The following SYT1 variants were observed in gnomAD, a reference collection of about 807,000 sequenced individuals.
The protein encoded by SYT1 is synaptotagmin-1.
In SYT1, 8 loss-of-function variants were observed where a neutral mutation model predicts 44.8. The ratio of observed to expected loss-of-function variants is 0.18; its 90% CI spans 0.10 to 0.32. The LOEUF (loss-of-function observed/expected upper bound fraction) is 0.32, where lower values mean the gene tolerates loss of function less well. Among genes scored for constraint, SYT1 ranks in the 10% least tolerant of loss-of-function variants. SYT1 has a pLI of 1.00. For synonymous variants in SYT1, 154 were observed against 188.8 expected, an observed-to-expected ratio of 0.82 and a Z score of 1.51; for missense variants, 286 against 509.3, an observed-to-expected ratio of 0.56 and a Z score of 4.22.
chr12:79,138,643 T>TTG (rs544735626), intron 3 of SYT1, among the ~76,000 whole-genome samples: 2,762 of 152,240 alleles, frequency 0.018, 87 homozygotes, highest in African/African-American at 0.064. Flanking sequence ...TACATATTAT[T>TTG]TGTGTGTGTG....
intron 8 of SYT1, among the ~76,000 whole-genome samples, chr12:79,307,607 G>C (rs1880461742): frequency 6.7e-6 from 1 of 149,864 alleles, no homozygotes; most frequent in Non-Finnish European, 1.5e-5. Context: ...GGGGATGGTC[G>C]GAAGGGCTGG....
At chr12:79,211,544 C>G (rs983740319) in intron 3 of SYT1, among the ~76,000 whole-genome samples, 2 of 151,484 alleles carry the variant, frequency 1.3e-5, no homozygotes, top group African/African-American at 4.9e-5. Context: ...CACCCACTAA[C>G]TCATCATCTA....
chr12:79,284,954 G>GAAGAT (rs1362788867), intron 4 of SYT1, among the ~76,000 whole-genome samples: 1 of 152,040 alleles, frequency 6.6e-6, no homozygotes, highest in Non-Finnish European at 1.5e-5. Flanking sequence ...GATGAAATGG[G>GAAGAT]TACCACTGTA....
intron 2 of SYT1, among the ~76,000 whole-genome samples, chr12:79,030,507 A>C (rs891000445): frequency 1.3e-5 from 2 of 151,056 alleles, no homozygotes; most frequent in African/African-American, 4.8e-5. Flanking sequence ...TTACTATTCC[A>C]TTGAGCTCTA....
chr12:79,359,041 TC>T (rs1365852012), intron 9 of SYT1, among the ~76,000 whole-genome samples: 1 of 152,170 alleles, frequency 6.6e-6, no homozygotes, highest in East Asian at 1.9e-4. Flanking sequence ...ATGTTCTACT[TC>T]CCTCATTCCC....
intron 1 of SYT1, among the ~76,000 whole-genome samples, chr12:78,880,034 A>C (rs1488919583): frequency 1.3e-5 from 2 of 151,694 alleles, no homozygotes; most frequent in African/African-American, 4.8e-5. Flanking sequence ...TTTGCATTGT[A>C]CCTCCTCATA....
At chr12:79,115,593 G>T (rs1879234505) in intron 3 of SYT1, among the ~76,000 whole-genome samples, 1 of 152,118 alleles carries the variant, frequency 6.6e-6, no homozygotes, top group South Asian at 2.1e-4. Context: ...ATCAAAAATA[G>T]TGTTTTAAGA....
intron 3 of SYT1, among the ~76,000 whole-genome samples, chr12:79,124,529 ACCATCATCATCATCATCACCATTG>A (rs2138148159): frequency 6.6e-6 from 1 of 152,132 alleles, no homozygotes; most frequent in African/African-American, 2.4e-5. Flanking sequence ...TATTACTCTC[ACCATCATCATCATCATCACCATTG>A]CCATCATCAT....
chr12:79,048,052 A>G (rs1874204033), intron 3 of SYT1, among the ~76,000 whole-genome samples: 1 of 151,942 alleles, frequency 6.6e-6, no homozygotes, highest in Non-Finnish European at 1.5e-5. Flanking sequence ...ATGAAGAACA[A>G]TAACATAAAG....
At chr12:79,136,514 C>A (rs1869199789) in intron 3 of SYT1, among the ~76,000 whole-genome samples, 1 of 152,144 alleles carries the variant, frequency 6.6e-6, no homozygotes. Flanking sequence ...TACAAAAAGA[C>A]TTCTAATCTC....
intron 3 of SYT1, among the ~76,000 whole-genome samples, chr12:79,158,700 C>T (rs538882799): frequency 4.2e-4 from 64 of 152,130 alleles, no homozygotes; most frequent in Admixed American, 1.5e-3. Context: ...GAGTTCAAGA[C>T]CAGCCTGGGC....
intron 9 of SYT1, among the ~76,000 whole-genome samples, chr12:79,383,498 C>T (rs1401741863): frequency 6.6e-6 from 1 of 152,020 alleles, no homozygotes; most frequent in Admixed American, 6.6e-5. Context: ...GATGGCTATT[C>T]AAGATATAGT....
chr12:79,335,549 A>T (rs1467015261), intron 8 of SYT1, among the ~76,000 whole-genome samples: 1 of 151,976 alleles, frequency 6.6e-6, no homozygotes, highest in Non-Finnish European at 1.5e-5. Context: ...GCTTATTTAA[A>T]TTCCTGCTGT....
chr12:79,073,617 G>A (rs1876435828), intron 3 of SYT1, among the ~76,000 whole-genome samples: 1 of 152,122 alleles, frequency 6.6e-6, no homozygotes, highest in African/African-American at 2.4e-5. Context: ...AAATCCCTGA[G>A]GCAGAAGAAT....
chr12:79,159,147 G>A (rs1463100149), intron 3 of SYT1, among the ~76,000 whole-genome samples: 1 of 152,170 alleles, frequency 6.6e-6, no homozygotes, highest in Non-Finnish European at 1.5e-5. Flanking sequence ...TAGAGAGACA[G>A]CAAAGGTTTC....
At chr12:78,966,897 T>G (rs893821815) in intron 1 of SYT1, among the ~76,000 whole-genome samples, 3 of 152,162 alleles carry the variant, frequency 2.0e-5, no homozygotes, top group Non-Finnish European at 4.4e-5. Context: ...GCTGCTAAAC[T>G]CTCTTTAACT....
chr12:79,164,654 A>G (rs1871136411), intron 3 of SYT1, among the ~76,000 whole-genome samples: 1 of 152,050 alleles, frequency 6.6e-6, no homozygotes, highest in Non-Finnish European at 1.5e-5. Flanking sequence ...AATTATTTTT[A>G]ATATGTCAAA....
chr12:78,880,234 T>G (rs1298679579), intron 1 of SYT1, among the ~76,000 whole-genome samples: 1 of 151,710 alleles, frequency 6.6e-6, no homozygotes, highest in Non-Finnish European at 1.5e-5. Flanking sequence ...TACATTGCAT[T>G]CCTGCCTCAG....
intron 2 of SYT1, among the ~76,000 whole-genome samples, chr12:79,025,119 C>T (rs1872442269): frequency 6.6e-6 from 1 of 151,734 alleles, no homozygotes; most frequent in South Asian, 2.1e-4. Context: ...ATCCAAAGTT[C>T]CATGTGTGTT....
Sources: allele counts gnomAD v4.1 joint callset (sites outside exome capture counted in the v4.1 genomes callset), GRCh38; gene constraint gnomAD v4.1.1; transcripts MANE v1.5; gene names NCBI Gene and HGNC (gene_info 2026-07-23, HGNC 2026-07-21).